BMERB1: variants seen among roughly 807,000 people sequenced by gnomAD.
BMERB1 encodes bMERB domain containing 1, also known as bMERB domain-containing protein 1.
Under a neutral mutation model 23.6 loss-of-function variants are expected in BMERB1, and 12 were observed. The ratio of observed to expected loss-of-function variants is 0.51; its 90% CI spans 0.33 to 0.82. BMERB1 has a LOEUF of 0.82. Among genes scored for constraint, BMERB1 ranks in the 40% least tolerant of loss-of-function variants. The pLI is 0.03. For synonymous variants in BMERB1, 122 were observed against 96.6 expected, an observed-to-expected ratio of 1.26 and a Z score of -1.54; for missense variants, 247 against 255.4, an observed-to-expected ratio of 0.97 and a Z score of 0.22.
chr16:15,555,413 G>A (rs1160421478), intron 2 of BMERB1, among the ~76,000 whole-genome samples: 3 of 152,160 alleles, frequency 2.0e-5, no homozygotes, highest in African/African-American at 7.2e-5. Flanking sequence ...AGCAGTATTA[G>A]TAGTTGTTAT....
chr16:15,566,502 C>G (rs1027832436), intron 2 of BMERB1, among the ~76,000 whole-genome samples: 2 of 152,088 alleles, frequency 1.3e-5, no homozygotes, highest in South Asian at 2.1e-4. Flanking sequence ...AAATAGATCA[C>G]TGTATAATCA....
At chr16:15,554,930 T>G (rs1297028631) in intron 2 of BMERB1, among the ~76,000 whole-genome samples, 1 of 152,088 alleles carries the variant, frequency 6.6e-6, no homozygotes, top group Non-Finnish European at 1.5e-5. Flanking sequence ...CCTCCCAAAG[T>G]GCTGGGATTA....
intron 1 of BMERB1, among the ~76,000 whole-genome samples, chr16:15,474,044 C>T (rs1423054236): frequency 1.3e-5 from 2 of 150,606 alleles, no homozygotes; most frequent in Admixed American, 1.3e-4. Context: ...GGCGTGAACC[C>T]AGGAGGTGGA....
chr16:15,547,072 G>T (rs1002445441), intron 2 of BMERB1, among the ~76,000 whole-genome samples: 1 of 150,594 alleles, frequency 6.6e-6, no homozygotes, highest in Non-Finnish European at 1.5e-5. Flanking sequence ...GAGTGCAGTG[G>T]TGCGATCTCT....
rs1466028848 is a variant in BMERB1, at chr16:15,502,774, C to T, written c.107-12531C>T. Among the ~76,000 whole-genome samples, 3 of 152,050 alleles carry T rather than the reference C, an allele frequency of 2.0e-5. No individual in the cohort carries two copies. In the East Asian group the frequency reaches 5.8e-4, roughly 29 times the overall value. ...TTCTTGACAAAAGGCTGGAGGGGGCCCCCTCTAGATTCTCTTCTCAGGGCA... is the reference window on the plus strand; with the variant it reads ...TTCTTGACAAAAGGCTGGAGGGGGCTCCCTCTAGATTCTCTTCTCAGGGCA... On this transcript the variant is annotated intron_variant, in intron 1 of 5. Coordinates refer to ENST00000300006, the MANE Select transcript of BMERB1 (RefSeq NM_033201.3).
At chr16:15,438,283 C>T (rs1340223335) in intron 1 of BMERB1, among the ~76,000 whole-genome samples, 1 of 151,630 alleles carries the variant, frequency 6.6e-6, no homozygotes, top group Admixed American at 6.6e-5. Flanking sequence ...GAGGGGTTTT[C>T]ACTATGTTGG....
intron 4 of BMERB1, 107 bp from the exon 5 acceptor site, chr16:15,583,049 C>A: frequency 1.2e-6 from 1 of 825,882 alleles, no homozygotes; most frequent in South Asian, 1.4e-5. Flanking sequence ...CATACATGCC[C>A]CATCCACAAA....
intron 2 of BMERB1, among the ~76,000 whole-genome samples, chr16:15,552,504 G>A (rs996534749): frequency 6.6e-6 from 1 of 152,202 alleles, no homozygotes; most frequent in Non-Finnish European, 1.5e-5. Context: ...CTTCAAAGGA[G>A]TGAAGGATGT....
Position 15,459,953 on chromosome 16 carries a change from C to T in BMERB1, c.106+25194C>T, listed in dbSNP as rs1303283700. Among the ~76,000 whole-genome samples the T allele has an allele frequency of 2.0e-5, 3 of 152,226 alleles. No homozygotes were observed. The East Asian group carries it at 5.8e-4, about 29-fold the overall frequency. ...TTCTTTTCTTCTCAATTCTCTTTTCCTTTAATTGGTCTTCTTCTTGCCATA... is the reference window on the plus strand; with the variant it reads ...TTCTTTTCTTCTCAATTCTCTTTTCTTTTAATTGGTCTTCTTCTTGCCATA... On this transcript the variant is annotated intron_variant, in intron 1 of 5. Coordinates refer to ENST00000300006, the MANE Select transcript of BMERB1 (RefSeq NM_033201.3).
At chr16:15,516,880 C>A (rs995583887) in intron 2 of BMERB1, among the ~76,000 whole-genome samples, 2 of 152,142 alleles carry the variant, frequency 1.3e-5, no homozygotes, top group African/African-American at 4.8e-5. Flanking sequence ...GGGTCTTGCT[C>A]TGTCGTCCAG....
intron 2 of BMERB1, among the ~76,000 whole-genome samples, chr16:15,522,471 G>T (rs897439475): frequency 2.0e-5 from 3 of 152,114 alleles, no homozygotes; most frequent in African/African-American, 7.2e-5. Context: ...TGTGTGCATT[G>T]TAGATAGCAG....
chr16:15,496,287 A>C (rs1365400967), intron 1 of BMERB1, among the ~76,000 whole-genome samples: 1 of 152,138 alleles, frequency 6.6e-6, no homozygotes, highest in East Asian at 1.9e-4. Flanking sequence ...AGAGACAGTG[A>C]TTGTGATAAC....
At chr16:15,442,960 C>A (rs2050953990) in intron 1 of BMERB1, among the ~76,000 whole-genome samples, 1 of 152,038 alleles carries the variant, frequency 6.6e-6, no homozygotes, top group Non-Finnish European at 1.5e-5. Flanking sequence ...ATAAAGAACA[C>A]CACAGGGCCG....
chr16:15,538,207 C>G (rs1376442055), intron 2 of BMERB1, among the ~76,000 whole-genome samples: 1 of 152,170 alleles, frequency 6.6e-6, no homozygotes, highest in East Asian at 1.9e-4. Context: ...AATCCCAGCC[C>G]TTTGGGAGCC....
chr16:15,578,677 G>A (rs1392568456), intron 3 of BMERB1, among the ~76,000 whole-genome samples: 3 of 151,984 alleles, frequency 2.0e-5, no homozygotes, highest in Admixed American at 6.6e-5. Context: ...GCCTGGTGAC[G>A]GCCTGTTCCT....
intron 2 of BMERB1, among the ~76,000 whole-genome samples, chr16:15,517,683 G>GCT (rs2051780284): frequency 6.6e-6 from 1 of 151,906 alleles, no homozygotes; most frequent in African/African-American, 2.4e-5. Context: ...TAATGGTGCT[G>GCT]CTGCAGGAAC....
At chr16:15,513,249 AAAT>A (rs1226284748) in intron 1 of BMERB1, among the ~76,000 whole-genome samples, 1 of 152,160 alleles carries the variant, frequency 6.6e-6, no homozygotes, top group African/African-American at 2.4e-5. Flanking sequence ...CTTACGGTGA[AAAT>A]AATTCTTACA....
intron 1 of BMERB1, among the ~76,000 whole-genome samples, chr16:15,514,956 C>G (rs1478123619): frequency 2.6e-5 from 4 of 152,076 alleles, no homozygotes; most frequent in Non-Finnish European, 5.9e-5. Flanking sequence ...GTGTCGGGCA[C>G]CTGTAGTCCC....
chr16:15,534,297 A>AG (rs1373672524), intron 2 of BMERB1, among the ~76,000 whole-genome samples: 3,493 of 131,376 alleles, frequency 0.027, 222 homozygotes, highest in South Asian at 0.12. Flanking sequence ...AAAAAAAAAA[A>AG]AAAAAAAAAA....
Sources: gnomAD v4.1 joint callset for allele counts (sites outside exome capture counted in the v4.1 genomes callset) on GRCh38, gnomAD v4.1.1 for gene constraint, MANE v1.5 for transcripts, NCBI Gene and HGNC (gene_info 2026-07-23, HGNC 2026-07-21) for gene names.